The following SIPA1L3 variants were observed in gnomAD, a reference collection of about 807,000 sequenced individuals.
The protein encoded by SIPA1L3 is signal induced proliferation associated 1 like 3, also known as signal-induced proliferation-associated 1-like protein 3.
In SIPA1L3, 59 loss-of-function variants were observed where a neutral mutation model predicts 150.1. That is an observed-to-expected ratio of 0.39 (90% CI 0.32 to 0.49). The LOEUF (loss-of-function observed/expected upper bound fraction) is 0.49, where lower values mean the gene tolerates loss of function less well. Among genes scored for constraint, SIPA1L3 ranks in the 20% least tolerant of loss-of-function variants. SIPA1L3 has a pLI of 0.86. For synonymous variants in SIPA1L3, 1,070 were observed against 1,077.6 expected (o/e 0.99, Z 0.14); for missense variants, 2,211 against 2,489.5 (o/e 0.89, Z 2.38).
intron 16 of SIPA1L3, among the ~76,000 whole-genome samples, chr19:38,188,404 C>T (rs949073001): frequency 6.6e-6 from 1 of 151,420 alleles, no homozygotes; most frequent in Non-Finnish European, 1.5e-5. Context: ...AGTCTGGTCT[C>T]GAACTCCTGA....
chr19:38,014,506 C>T (rs1314342467), intron 1 of SIPA1L3, among the ~76,000 whole-genome samples: 1 of 150,244 alleles, frequency 6.7e-6, no homozygotes, highest in East Asian at 2.0e-4. Flanking sequence ...AAGCTCAGCA[C>T]ACAGAGCCAC....
At chr19:38,177,583 T>C (rs182143667) in intron 15 of SIPA1L3, among the ~76,000 whole-genome samples, 1 of 152,216 alleles carries the variant, frequency 6.6e-6, no homozygotes, top group Non-Finnish European at 1.5e-5. Context: ...TACATATGTG[T>C]GTATATCTAT....
chr19:37,995,775 G>T (rs191877676), intron 1 of SIPA1L3, among the ~76,000 whole-genome samples: 2 of 152,314 alleles, frequency 1.3e-5, no homozygotes, highest in East Asian at 3.9e-4. Flanking sequence ...GAAGTCTGTA[G>T]GAGGGGAGCT....
chr19:38,058,226 G>T (rs898320977), intron 2 of SIPA1L3, among the ~76,000 whole-genome samples: 3 of 152,148 alleles, frequency 2.0e-5, no homozygotes, highest in African/African-American at 7.2e-5. Flanking sequence ...GCAGGCCCTC[G>T]CCATCTGCCA....
intron 1 of SIPA1L3, among the ~76,000 whole-genome samples, chr19:37,929,198 C>T (rs1265508706): frequency 6.6e-6 from 1 of 152,140 alleles, no homozygotes; most frequent in Non-Finnish European, 1.5e-5. Flanking sequence ...GGGGCTGGGG[C>T]TGGGGCTGGA....
intron 3 of SIPA1L3, among the ~76,000 whole-genome samples, chr19:38,084,468 A>G (rs748866163): frequency 1.7e-4 from 26 of 149,766 alleles, no homozygotes; most frequent in Admixed American, 2.7e-4. Flanking sequence ...TAGTGGCCAC[A>G]CCTGTGTGCA....
At chr19:38,091,721 G>A (rs1478125699) in intron 4 of SIPA1L3, among the ~76,000 whole-genome samples, 1 of 152,186 alleles carries the variant, frequency 6.6e-6, no homozygotes, top group Non-Finnish European at 1.5e-5. Context: ...TGAGTTAGGA[G>A]CTCAACCAAC....
chr19:37,915,374 T>G (rs1307977160), intron 1 of SIPA1L3, among the ~76,000 whole-genome samples: 2 of 151,954 alleles, frequency 1.3e-5, no homozygotes, highest in Non-Finnish European at 2.9e-5. Context: ...GGTGTTTTTT[T>G]TTGTTTGTTT....
chr19:38,019,739 G>A (rs181378526), intron 1 of SIPA1L3, among the ~76,000 whole-genome samples: 40 of 152,248 alleles, frequency 2.6e-4, no homozygotes, highest in African/African-American at 9.4e-4. Flanking sequence ...GGGATTTTGA[G>A]GCTTGTCAAG....
At chr19:38,132,694 C>A (rs955164417) in intron 10 of SIPA1L3, among the ~76,000 whole-genome samples, 2 of 150,428 alleles carry the variant, frequency 1.3e-5, no homozygotes, top group Admixed American at 6.6e-5. Flanking sequence ...GTCACCCAGG[C>A]TGGAGTGCAG....
intron 3 of SIPA1L3, among the ~76,000 whole-genome samples, chr19:38,088,403 G>A (rs1970187383): frequency 1.3e-5 from 2 of 152,244 alleles, no homozygotes; most frequent in African/African-American, 4.8e-5. Context: ...TGTACTAAGT[G>A]TTTCATATTT....
intron 6 of SIPA1L3, among the ~76,000 whole-genome samples, chr19:38,103,739 G>C (rs2382972): frequency 0.36 from 54,129 of 150,666 alleles, 10,723 homozygotes; most frequent in East Asian, 0.6. Flanking sequence ...CTGGCTAACA[G>C]GGTGAAACAC....
intron 13 of SIPA1L3, among the ~76,000 whole-genome samples, chr19:38,161,756 G>A (rs1972093757): frequency 1.3e-5 from 2 of 151,300 alleles, no homozygotes; most frequent in South Asian, 2.1e-4. Context: ...ATAGATAAAT[G>A]GGTAAAGGAG....
chr19:38,128,992 G>A (rs1337065083), intron 9 of SIPA1L3, among the ~76,000 whole-genome samples: 1 of 152,200 alleles, frequency 6.6e-6, no homozygotes, highest in Non-Finnish European at 1.5e-5. Flanking sequence ...TTTCTAGCCA[G>A]GGGATGACTT....
intron 2 of SIPA1L3, among the ~76,000 whole-genome samples, chr19:38,038,655 T>C (rs1240279140): frequency 6.6e-6 from 1 of 151,494 alleles, no homozygotes; most frequent in African/African-American, 2.4e-5. Flanking sequence ...AGAAACCCGC[T>C]TCTTTGACTA....
chr19:37,951,445 G>T (rs2046762981), intron 1 of SIPA1L3, among the ~76,000 whole-genome samples: 1 of 152,186 alleles, frequency 6.6e-6, no homozygotes, highest in South Asian at 2.1e-4. Flanking sequence ...GCACAGCTTT[G>T]AGTGTGAAGA....
chr19:38,001,827 A>C (rs765452809), intron 1 of SIPA1L3, among the ~76,000 whole-genome samples: 28 of 152,174 alleles, frequency 1.8e-4, no homozygotes, highest in Non-Finnish European at 3.1e-4. Flanking sequence ...CAATATACAT[A>C]ACAAATTTTT....
At position 38,030,646 on chromosome 19, in the gene SIPA1L3, ATATATG is replaced by A. The variant is rs888348312; in HGVS notation, c.-311+1491_-311+1496del. Among the ~76,000 whole-genome samples, 104 of 61,598 alleles carry A rather than the reference ATATATG, an allele frequency of 1.7e-3. 3 individuals carry two copies. Among genetic ancestry groups the A allele is most frequent in the Admixed American group, 3.1e-3 (15 of 4,818 alleles). The allele number at this position is 61,598 out of a possible 152,430, so 40.4% of individuals were successfully genotyped here. The stretch of plus-strand genomic sequence containing the variant: ...CAAATATATATATATATATATATAT[ATATATG>A]GCAAATACTTACCTGTGCTATATAG... On this transcript the variant is annotated intron_variant, in intron 2 of 21. Transcript: ENST00000222345.
At chr19:38,129,878 C>T (rs559260080) in intron 9 of SIPA1L3, among the ~76,000 whole-genome samples, 2 of 152,110 alleles carry the variant, frequency 1.3e-5, no homozygotes, top group East Asian at 3.9e-4. Context: ...ACTAGCCTGG[C>T]CAATATGGCA....
Sources: allele counts gnomAD v4.1 joint callset (sites outside exome capture counted in the v4.1 genomes callset), GRCh38; gene constraint gnomAD v4.1.1; transcripts MANE v1.5; gene names NCBI Gene and HGNC (gene_info 2026-07-23, HGNC 2026-07-21).